MOSPD2: variants seen among roughly 807,000 people sequenced by gnomAD.
MOSPD2 encodes motile sperm domain containing 2.
Under a neutral mutation model 41.7 loss-of-function variants are expected in MOSPD2, and 5 were observed. The observed-to-expected ratio is 0.12, with a 90% CI of 0.06 to 0.25. The LOEUF is 0.25. Among genes scored for constraint, MOSPD2 ranks in the 10% least tolerant of loss-of-function variants. The probability of loss-of-function intolerance (pLI) is 1.00; values close to 1 mark genes in which losing one functional copy is unlikely to be tolerated. For missense variants in MOSPD2, 282 were observed against 375.2 expected, an observed-to-expected ratio of 0.75 and a Z score of 2.05; for synonymous variants, 115 against 126.9, an observed-to-expected ratio of 0.91 and a Z score of 0.63.
At chrX:14,908,410 G>A (rs1427414723) in intron 7 of MOSPD2, among the ~76,000 whole-genome samples, 1 of 111,668 alleles carries the variant, frequency 9.0e-6, no homozygotes, top group Admixed American at 9.5e-5. Flanking sequence ...TAATAAGAAG[G>A]GCTATTTCTT....
intron 2 of MOSPD2, among the ~76,000 whole-genome samples, chrX:14,875,816 T>A (rs2092519083): frequency 8.9e-6 from 1 of 112,106 alleles, no homozygotes; most frequent in African/African-American, 3.2e-5. Context: ...GATTATTAAA[T>A]GTCTCCGTCT....
intron 7 of MOSPD2, among the ~76,000 whole-genome samples, chrX:14,904,069 A>T (rs1295764535): frequency 4.4e-5 from 5 of 112,365 alleles, no homozygotes; most frequent in African/African-American, 1.6e-4. Flanking sequence ...AATTATGTGA[A>T]ATATTTAAAG....
intron 7 of MOSPD2, 53 bp downstream of exon 7, chrX:14,903,057 C>A: frequency 1.2e-6 from 1 of 802,396 alleles, no homozygotes; most frequent in South Asian, 2.2e-5. Flanking sequence ...CTTTACTTTG[C>A]CGATTTAGCC....
At chrX:14,908,275 A>C (rs2092585712) in intron 7 of MOSPD2, among the ~76,000 whole-genome samples, 1 of 111,783 alleles carries the variant, frequency 8.9e-6, no homozygotes. Flanking sequence ...GTCTCAAAAA[A>C]AATTTAAAAA....
At chrX:14,906,539 T>C (rs1438033009) in intron 7 of MOSPD2, among the ~76,000 whole-genome samples, 4 of 92,417 alleles carry the variant, frequency 4.3e-5, no homozygotes, top group Non-Finnish European at 8.7e-5. Context: ...TTCTTAGATA[T>C]GACAACAAAA....
At chrX:14,903,039 C>T (rs2147495268) in intron 7 of MOSPD2, 35 bp downstream of exon 7, 8 of 949,294 alleles carry the variant, frequency 8.4e-6, no homozygotes, top group Non-Finnish European at 1.1e-5. Context: ...AACAAAATGT[C>T]TAATTTCCTT....
At chrX:14,897,384 T>A in intron 5 of MOSPD2, 146 bp downstream of exon 5, 1 of 442,410 alleles carries the variant, frequency 2.3e-6, no homozygotes, top group Non-Finnish European at 3.8e-6. Flanking sequence ...AGTGTGAGTG[T>A]AGTCAAACAT....
At chrX:14,906,215 G>A (rs1435208520) in intron 7 of MOSPD2, among the ~76,000 whole-genome samples, 1 of 112,020 alleles carries the variant, frequency 8.9e-6, no homozygotes, top group Non-Finnish European at 1.9e-5. Flanking sequence ...CAAGACATTG[G>A]GCATGTATGG....
intron 13 of MOSPD2, among the ~76,000 whole-genome samples, chrX:14,917,966 C>T (rs2092603144): frequency 8.9e-6 from 1 of 111,872 alleles, no homozygotes; most frequent in African/African-American, 3.2e-5. Context: ...AGCCTTAGTC[C>T]GGAGGAGGGA....
chrX:14,921,332 A>G lies in MOSPD2; in HGVS notation c.*1523A>G, dbSNP rs2092609304. On this transcript the variant is annotated 3_prime_UTR_variant, in exon 15 of 15. Coordinates refer to ENST00000380492, the MANE Select transcript of MOSPD2 (RefSeq NM_152581.4). ...TTGGCCTAGGAAATAAAACCTTAAA[A>G]GGACACTGGTGTGCTACTTTGTCTT... 13 of 934,506 alleles carry G rather than the reference A, an allele frequency of 1.4e-5. No homozygotes were observed. Among genetic ancestry groups the G allele is most frequent in the Non-Finnish European group, 1.7e-5 (13 of 754,605 alleles). 77.0% of individuals were successfully genotyped at this position (934,506 alleles called of 1,213,427 possible).
At chrX:14,888,195 T>TACACACACGCAC (rs2092545501) in intron 2 of MOSPD2, among the ~76,000 whole-genome samples, 1 of 88,778 alleles carries the variant, frequency 1.1e-5, no homozygotes, top group South Asian at 5.5e-4. Flanking sequence ...GGAGAATATA[T>TACACACACGCAC]ACACACACAC....
Position 14,911,337 on chromosome X carries a change from A to C in MOSPD2, c.803A>C (p.Lys268Thr), listed in dbSNP as rs2092591436. Residue 268 changes from lysine to threonine, a missense_variant, in exon 9 of 15, where the codon AAA becomes ACA. Lys to Thr is a moderately conservative substitution (Grantham distance 78). This residue lies in a region of MOSPD2 where 187 missense variants were observed against 256.6 expected (regional missense o/e 0.73). Coordinates refer to ENST00000380492, the MANE Select transcript of MOSPD2 (RefSeq NM_152581.4). ...ACCAGTGAGGATGAAACTTCAAGTA[A>C]AGAAGACATAGAAAGTGATGGCAAA... ...PITSEDETSS[K>T]EDIESDGKET... The C allele has an allele frequency of 1.7e-6, 2 of 1,203,416 alleles. No homozygotes were observed. Among genetic ancestry groups the C allele is most frequent in the Admixed American group, 2.2e-5 (1 of 45,194 alleles).
At chrX:14,916,704 A>G (rs766192329) in intron 13 of MOSPD2, among the ~76,000 whole-genome samples, 27 of 112,642 alleles carry the variant, frequency 2.4e-4, no homozygotes, top group Non-Finnish European at 3.9e-4. Flanking sequence ...GAGTATATCC[A>G]CACTAAAGTG....
chrX:14,917,149 A>C (rs1057466730), intron 13 of MOSPD2, among the ~76,000 whole-genome samples: 33 of 111,949 alleles, frequency 2.9e-4, no homozygotes, highest in African/African-American at 9.8e-4. Context: ...CCCATCCCCC[A>C]AAAATGATCT....
Position 14,918,709 on chromosome X carries a change from A to C in MOSPD2, c.1346A>C (p.Lys449Thr), listed in dbSNP as rs759364943. 1.7e-6 allele frequency: 2 copies of C among 1,201,800 alleles called. No homozygotes were observed. The highest frequency in any genetic ancestry group is 2.3e-6 in the Non-Finnish European group (2 of 887,123). Residue 449 changes from lysine (K) to threonine (T), a missense_variant, in exon 14 of 15, where the codon AAA (lysine) becomes ACA (threonine). Around this residue, in one of 3 missense-constraint regions of MOSPD2, gnomAD observed 94 missense variants for 102.1 expected, o/e 0.92. Coordinates refer to ENST00000380492, the MANE Select transcript of MOSPD2 (RefSeq NM_152581.4). ...AGATGCCATACTGTTGAAAGCAGTA[A>C]ACCAAACACTCTTACGTTAAAAGAC... ...RLRCHTVESS[K>T]PNTLTLKDNA...
chrX:14,895,172 G>T, intron 3 of MOSPD2, 136 bp from the exon 4 acceptor site: 1 of 450,403 alleles, frequency 2.2e-6, no homozygotes. Flanking sequence ...TATTGCCAGA[G>T]ATTTTTTTTT....
chrX:14,888,220 A>G (rs918390639), intron 2 of MOSPD2, among the ~76,000 whole-genome samples: 1 of 95,990 alleles, frequency 1.0e-5, no homozygotes, highest in African/African-American at 5.0e-5. Context: ...ACACACACAC[A>G]CACACACACA....
intron 2 of MOSPD2, among the ~76,000 whole-genome samples, chrX:14,884,951 CAT>C (rs2092538400): frequency 9.0e-6 from 1 of 111,082 alleles, no homozygotes; most frequent in African/African-American, 3.3e-5. Context: ...CACCCAGAAT[CAT>C]AAGGGGAACT....
At position 14,919,619 on chromosome X, in the gene MOSPD2, G is replaced by A. The variant is rs948115791; in HGVS notation, c.1420-53G>A. On this transcript the variant is annotated intron_variant, in intron 14 of 14. Coordinates refer to ENST00000380492, the MANE Select transcript of MOSPD2 (RefSeq NM_152581.4). Reference sequence around the variant, plus strand: ...TAGTATTCCTGTTTGTCATGCCCATGATTAATGGCTGTTTTATTGATATAA... The same window carrying A: ...TAGTATTCCTGTTTGTCATGCCCATAATTAATGGCTGTTTTATTGATATAA... 9 of 949,520 alleles carry A rather than the reference G, an allele frequency of 9.5e-6. No individual in the cohort carries two copies. The African/African-American group carries it at 1.6e-4, about 16-fold the overall frequency. The allele number at this position is 949,520 out of a possible 1,213,427, so 78.3% of individuals were successfully genotyped here.
Sources: gnomAD v4.1 joint callset for allele counts (sites outside exome capture counted in the v4.1 genomes callset) on GRCh38, gnomAD v4.1.1 for gene constraint, gnomAD v4.1.1 regional missense constraint, MANE v1.5 for transcripts, NCBI Gene and HGNC (gene_info 2026-07-23, HGNC 2026-07-21) for gene names.